SDK1: variants seen among roughly 807,000 people sequenced by gnomAD.
The protein encoded by SDK1 is protein sidekick-1.
Under a neutral mutation model 245.5 loss-of-function variants are expected in SDK1, and 157 were observed. That is an observed-to-expected ratio of 0.64 (90% confidence interval 0.56 to 0.73). The LOEUF (loss-of-function observed/expected upper bound fraction) is 0.73. Among genes scored for constraint, SDK1 ranks in the 30% least tolerant of loss-of-function variants. The pLI, the probability that SDK1 is intolerant of heterozygous loss-of-function variation, is 0.00. For synonymous variants in SDK1, 1,647 were observed against 1,278.5 expected (o/e 1.29, Z -6.15); for missense variants, 3,583 against 3,002.3 (o/e 1.19, Z -4.52).
chr7:3,349,536 A>G (rs1331062435), intron 1 of SDK1, among the ~76,000 whole-genome samples: 1 of 152,156 alleles, frequency 6.6e-6, no homozygotes, highest in African/African-American at 2.4e-5. Flanking sequence ...GAGGACTAAG[A>G]AGCGAAGGAT....
At chr7:3,673,230 G>T (rs903473267) in intron 4 of SDK1, among the ~76,000 whole-genome samples, 2 of 152,146 alleles carry the variant, frequency 1.3e-5, no homozygotes, top group African/African-American at 4.8e-5. Context: ...TTGATAGAAT[G>T]GAAGTGTAAA....
At chr7:4,088,397 A>C (rs542466408) in intron 22 of SDK1, among the ~76,000 whole-genome samples, 15 of 152,204 alleles carry the variant, frequency 9.9e-5, no homozygotes, top group Non-Finnish European at 1.9e-4. Context: ...TGGGACAATG[A>C]TAGAAGACAA....
At chr7:4,138,763 G>C (rs945114100) in intron 28 of SDK1, among the ~76,000 whole-genome samples, 1 of 148,836 alleles carries the variant, frequency 6.7e-6, no homozygotes, top group African/African-American at 2.5e-5. Context: ...AAAAAAAAGA[G>C]AGAGAAAGAA....
chr7:3,774,316 G>C (rs1207742744), intron 4 of SDK1, among the ~76,000 whole-genome samples: 1 of 152,084 alleles, frequency 6.6e-6, no homozygotes, highest in Non-Finnish European at 1.5e-5. Context: ...TGCAGCAACA[G>C]CGGCCACTGG....
chr7:3,410,383 C>T (rs964719744), intron 1 of SDK1, among the ~76,000 whole-genome samples: 1 of 152,028 alleles, frequency 6.6e-6, no homozygotes, highest in African/African-American at 2.4e-5. Context: ...GTCCCATCTT[C>T]AAGATACCGC....
chr7:3,392,075 A>G (rs114568601), intron 1 of SDK1, among the ~76,000 whole-genome samples: 6,647 of 151,654 alleles, frequency 0.044, 397 homozygotes, highest in African/African-American at 0.13. Flanking sequence ...CATTCATGAT[A>G]GAAAGTATTA....
At chr7:3,930,902 T>G (rs1223531744) in intron 5 of SDK1, among the ~76,000 whole-genome samples, 1 of 152,228 alleles carries the variant, frequency 6.6e-6, no homozygotes, top group African/African-American at 2.4e-5. Flanking sequence ...ATTTGTATTT[T>G]CAGCATCAGT....
chr7:3,425,264 A>T (rs1403158), intron 1 of SDK1, among the ~76,000 whole-genome samples: 1 of 151,868 alleles, frequency 6.6e-6, no homozygotes, highest in Non-Finnish European at 1.5e-5. Flanking sequence ...ACTGATTTAC[A>T]CTTTTACAGA....
intron 31 of SDK1, among the ~76,000 whole-genome samples, chr7:4,159,069 C>T (rs985347155): frequency 6.6e-6 from 1 of 152,210 alleles, no homozygotes; most frequent in Non-Finnish European, 1.5e-5. Flanking sequence ...CAGCCGCGTC[C>T]AGCGGTGATC....
chr7:3,644,617 A>T (rs943393822), intron 4 of SDK1, among the ~76,000 whole-genome samples: 1 of 151,348 alleles, frequency 6.6e-6, no homozygotes, highest in Non-Finnish European at 1.5e-5. Flanking sequence ...TTAAAAAAAA[A>T]TAGCTGGGTG....
intron 1 of SDK1, among the ~76,000 whole-genome samples, chr7:3,359,639 G>C (rs1427256843): frequency 6.6e-5 from 10 of 152,116 alleles, no homozygotes; most frequent in Non-Finnish European, 1.5e-4. Flanking sequence ...TGGTCCCTTA[G>C]TGCTGACATT....
intron 4 of SDK1, among the ~76,000 whole-genome samples, chr7:3,784,728 G>A (rs1012301598): frequency 6.6e-6 from 1 of 152,200 alleles, no homozygotes; most frequent in Non-Finnish European, 1.5e-5. Context: ...TGGCCAGGAT[G>A]TGAAGGAAAG....
chr7:3,984,652 C>T (rs971801738), intron 13 of SDK1, among the ~76,000 whole-genome samples: 1 of 152,124 alleles, frequency 6.6e-6, no homozygotes, highest in African/African-American at 2.4e-5. Flanking sequence ...CAACCCTCTC[C>T]TGCCCTGGCT....
At chr7:3,491,954 C>A (rs1781875165) in intron 1 of SDK1, among the ~76,000 whole-genome samples, 1 of 152,088 alleles carries the variant, frequency 6.6e-6, no homozygotes, top group African/African-American at 2.4e-5. Flanking sequence ...TACAGGTGTT[C>A]ATATAAAACA....
chr7:3,351,622 A>G (rs1409269903), intron 1 of SDK1, among the ~76,000 whole-genome samples: 2 of 152,230 alleles, frequency 1.3e-5, no homozygotes, highest in Non-Finnish European at 2.9e-5. Flanking sequence ...TAAGCAAAAT[A>G]AAGCTGGTAT....
chr7:3,523,964 G>A (rs1783031164), intron 1 of SDK1, among the ~76,000 whole-genome samples: 1 of 152,152 alleles, frequency 6.6e-6, no homozygotes, highest in African/African-American at 2.4e-5. Flanking sequence ...CTTTGAGTCT[G>A]GATCCTTGAT....
chr7:4,146,275 C>A (rs772593110), intron 29 of SDK1, among the ~76,000 whole-genome samples: 15 of 143,894 alleles, frequency 1.0e-4, no homozygotes, highest in Admixed American at 2.0e-4. Flanking sequence ...CAGCCTCACA[C>A]CTGCTCTCTC....
chr7:4,037,798 T>G (rs566860700), intron 17 of SDK1, among the ~76,000 whole-genome samples: 1 of 152,338 alleles, frequency 6.6e-6, no homozygotes, highest in South Asian at 2.1e-4. Context: ...AGACCTTCTC[T>G]GCGAATACAA....
chr7:3,735,088 T>C lies in SDK1; in HGVS notation c.714-86362T>C, dbSNP rs181860742. Among the ~76,000 whole-genome samples, 10 of 152,228 alleles carry C rather than the reference T, an allele frequency of 6.6e-5. No homozygotes were observed. In the East Asian group the frequency reaches 1.7e-3, roughly 26 times the overall value. ...GAATGTAGAGGTATCTCCAGAATCA[T>C]AGGGCAGGAGTCCAGCTCCATTAAT... On this transcript the variant is annotated intron_variant, in intron 4 of 44. Coordinates refer to ENST00000404826, the MANE Select transcript of SDK1 (RefSeq NM_152744.4).
Sources: gnomAD v4.1 joint callset for allele counts (sites outside exome capture counted in the v4.1 genomes callset) on GRCh38, gnomAD v4.1.1 for gene constraint, MANE v1.5 for transcripts, NCBI Gene and HGNC (gene_info 2026-07-23, HGNC 2026-07-21) for gene names.